Variants in LPIN2 observed in about 807,000 individuals in gnomAD.
LPIN2 encodes the protein phosphatidate phosphatase LPIN2.
Under a neutral mutation model 111.4 loss-of-function variants are expected in LPIN2, and 55 were observed. That is an observed-to-expected ratio of 0.49 (90% CI 0.40 to 0.62). LPIN2 has a LOEUF of 0.62. Ranked by LOEUF, LPIN2 falls within the 20% of genes least tolerant of loss-of-function variation. The pLI, the probability that LPIN2 is intolerant of heterozygous loss-of-function variation, is 0.00. For synonymous variants in LPIN2, 425 were observed against 414.0 expected (o/e 1.03, Z -0.32); for missense variants, 992 against 1,112.1 (o/e 0.89, Z 1.54).
intron 1 of LPIN2, among the ~76,000 whole-genome samples, chr18:3,003,424 G>C (rs2078463074): frequency 1.3e-5 from 2 of 152,180 alleles, no homozygotes; most frequent in African/African-American, 4.8e-5. Flanking sequence ...CTGGATTTCT[G>C]AACTGTTGCA....
At chr18:2,959,315 T>A (rs1413607446) in intron 2 of LPIN2, among the ~76,000 whole-genome samples, 2 of 152,144 alleles carry the variant, frequency 1.3e-5, no homozygotes, top group Non-Finnish European at 2.9e-5. Flanking sequence ...TTTTGTGAAA[T>A]CCATTTTCTT....
At chr18:2,990,758 T>A in intron 1 of LPIN2, 6 of 349,322 alleles carry the variant, frequency 1.7e-5, no homozygotes, top group South Asian at 1.4e-4. Flanking sequence ...TAGAAATGGA[T>A]GGAAGAACAG....
chr18:2,988,666 T>C (rs773774701), intron 1 of LPIN2, among the ~76,000 whole-genome samples: 1 of 152,244 alleles, frequency 6.6e-6, no homozygotes, highest in African/African-American at 2.4e-5. Context: ...TCAGCTTTGC[T>C]ACTCTTTCAA....
At chr18:3,000,711 G>A (rs2143471109) in intron 1 of LPIN2, among the ~76,000 whole-genome samples, 1 of 152,286 alleles carries the variant, frequency 6.6e-6, no homozygotes, top group East Asian at 1.9e-4. Context: ...CTGGCCTGCG[G>A]AGACTCTGGT....
At chr18:2,968,830 C>T (rs537846718) in intron 1 of LPIN2, among the ~76,000 whole-genome samples, 10 of 152,036 alleles carry the variant, frequency 6.6e-5, no homozygotes, top group African/African-American at 1.2e-4. Context: ...TTCAGGGAAG[C>T]GACAGGATTA....
chr18:2,924,290 T>G, intron 15 of LPIN2, 108 bp downstream of exon 15: 1 of 1,428,350 alleles, frequency 7.0e-7, no homozygotes, highest in African/African-American at 1.4e-5. Flanking sequence ...ATAAAATGCC[T>G]TGGCTGAGGG....
intron 1 of LPIN2, among the ~76,000 whole-genome samples, chr18:2,971,559 CAATAGT>C (rs1458938498): frequency 1.3e-5 from 2 of 152,124 alleles, no homozygotes; most frequent in African/African-American, 4.8e-5. Flanking sequence ...CAGTGCCTAG[CAATAGT>C]AGGTTCTTAA....
intron 1 of LPIN2, among the ~76,000 whole-genome samples, chr18:2,962,268 AACT>A (rs1310933360): frequency 6.6e-6 from 1 of 152,210 alleles, no homozygotes; most frequent in Non-Finnish European, 1.5e-5. Flanking sequence ...AATATTTTAA[AACT>A]AATGTTACCA....
At chr18:2,945,034 C>T (rs1185988066) in intron 4 of LPIN2, among the ~76,000 whole-genome samples, 1 of 152,082 alleles carries the variant, frequency 6.6e-6, no homozygotes, top group Non-Finnish European at 1.5e-5. Context: ...CAGAATTAAT[C>T]CTCCTTAAAA....
rs1230818585 is a variant in LPIN2, at chr18:2,939,502, C to T, written c.800G>A (p.Gly267Asp). ...RSESHMEWTW[G>D]GFPESTKVSK... ...TACCTTGGTGGACTCTGGGAATCCGCCCCACGTCCACTCCATGTGAGACTC... is the reference window on the plus strand; with the variant it reads ...TACCTTGGTGGACTCTGGGAATCCGTCCCACGTCCACTCCATGTGAGACTC... The change falls in exon 6 of 20, where the codon GGC (glycine) becomes GAC (aspartate). Residue 267 changes from glycine (G) to aspartate (D), a missense_variant. Gly to Asp is a moderately conservative substitution (Grantham distance 94, BLOSUM62 -1). Around this residue, in one of 4 missense-constraint regions of LPIN2, gnomAD observed 709 missense variants for 753.2 expected, o/e 0.94. Transcript: ENST00000677752. The T allele has an allele frequency of 6.2e-7, 1 of 1,613,922 alleles. No homozygotes were observed.
intron 5 of LPIN2, among the ~76,000 whole-genome samples, chr18:2,939,977 T>TC (rs776081420): frequency 3.9e-5 from 6 of 152,332 alleles, no homozygotes; most frequent in African/African-American, 1.4e-4. Context: ...ATACTTTTTT[T>TC]CACTATATTA....
chr18:2,960,627 T>C, intron 2 of LPIN2, 22 bp downstream of exon 2: 1 of 1,612,162 alleles, frequency 6.2e-7, no homozygotes, highest in Non-Finnish European at 8.5e-7. Flanking sequence ...GGATGACTTT[T>C]CCTCTCCTTG....
At chr18:2,964,374 T>C (rs977999838) in intron 1 of LPIN2, among the ~76,000 whole-genome samples, 1 of 147,024 alleles carries the variant, frequency 6.8e-6, no homozygotes, top group Non-Finnish European at 1.5e-5. Flanking sequence ...ACCAAATTCA[T>C]ATATTGAAGC....
intron 1 of LPIN2, among the ~76,000 whole-genome samples, chr18:2,996,679 G>A (rs993197209): frequency 4.0e-5 from 6 of 151,444 alleles, no homozygotes; most frequent in South Asian, 2.1e-4. Context: ...GGGTTTCACC[G>A]TGTTAGCCAG....
At chr18:2,926,586 G>A in intron 13 of LPIN2, 137 bp downstream of exon 13, 1 of 727,054 alleles carries the variant, frequency 1.4e-6, no homozygotes. Context: ...CTGCTGAGTG[G>A]CACAAATATA....
intron 17 of LPIN2, 131 bp downstream of exon 17, chr18:2,921,916 G>A: frequency 7.8e-7 from 1 of 1,286,398 alleles, no homozygotes. Context: ...GACACCACCA[G>A]GGACCAAAGA....
At chr18:2,926,266 C>G (rs921346513) in intron 13 of LPIN2, among the ~76,000 whole-genome samples, 1 of 152,168 alleles carries the variant, frequency 6.6e-6, no homozygotes, top group Non-Finnish European at 1.5e-5. Flanking sequence ...ATGCACTGGC[C>G]GGGGGAGGTG....
chr18:2,937,986 G>A lies in LPIN2; in HGVS notation c.874C>T (p.Pro292Ser). 3 of 1,614,162 alleles carry A rather than the reference G, an allele frequency of 1.9e-6. No homozygotes were observed. The highest frequency in any genetic ancestry group is 2.5e-6 in the Non-Finnish European group (3 of 1,180,024). ...DHHPRTATIT[P>S]SENTHFRVIP... is the part of the protein sequence containing the mutation. ...ACCCGAAAATGAGTATTTTCTGATG[G>A]TGTAATTGTAGCTGTCCTAGGATGA... Residue 292 changes from proline to serine, a missense_variant, in exon 7 of 20, where the codon CCA (proline) becomes TCA (serine). Pro to Ser is a moderately conservative substitution (Grantham distance 74). Around this residue, in one of 4 missense-constraint regions of LPIN2, gnomAD observed 709 missense variants for 753.2 expected, o/e 0.94. Coordinates refer to ENST00000677752, the MANE Select transcript of LPIN2 (RefSeq NM_001375808.2).
Position 2,924,551 on chromosome 18 carries a change from T to G in LPIN2, c.1939-5A>C, listed in dbSNP as rs779830291. On this transcript the variant is annotated splice_polypyrimidine_tract_variant and splice_region_variant and intron_variant, in intron 14 of 19. Transcript: ENST00000677752. ...ATCGTGGAGCTTCAGTTTTGCCTTT[T>G]AAAAAAGCATAAGAATAAAGAAAAT... The G allele has an allele frequency of 6.2e-7, 1 of 1,614,028 alleles. No homozygotes were observed.
Sources: gnomAD v4.1 joint callset for allele counts (sites outside exome capture counted in the v4.1 genomes callset) on GRCh38, gnomAD v4.1.1 for gene constraint, gnomAD v4.1.1 regional missense constraint, MANE v1.5 for transcripts, NCBI Gene and HGNC (gene_info 2026-07-23, HGNC 2026-07-21) for gene names.